Variants in CDH13 observed in about 807,000 individuals in gnomAD.
CDH13 encodes the protein cadherin-13.
Under a neutral mutation model 63.8 loss-of-function variants are expected in CDH13, and 24 were observed. The ratio of observed to expected loss-of-function variants is 0.38; its 90% CI spans 0.27 to 0.53. CDH13 has a LOEUF of 0.53. Among genes scored for constraint, CDH13 ranks in the 20% least tolerant of loss-of-function variants. CDH13 has a pLI of 0.85. For synonymous variants in CDH13, 503 were observed against 355.3 expected (o/e 1.42, Z -4.67); for missense variants, 1,049 against 903.1 (o/e 1.16, Z -2.07).
chr16:83,356,212 ATGTGTGTGTGTGTGTGTGTGTG>A (rs10525181), intron 6 of CDH13, among the ~76,000 whole-genome samples: 41 of 138,760 alleles, frequency 3.0e-4, no homozygotes, highest in South Asian at 1.4e-3. Flanking sequence ...ATTTATTTTC[ATGTGTGTGTGTGTGTGTGTGTG>A]TGTGTGTGTG....
intron 2 of CDH13, among the ~76,000 whole-genome samples, chr16:83,012,655 G>A (rs1281930888): frequency 6.6e-6 from 1 of 152,060 alleles, no homozygotes; most frequent in Admixed American, 6.5e-5. Flanking sequence ...TTTTGCACCC[G>A]AACTTGATCT....
In CDH13 at chr16:83,417,874, G is replaced by A. The variant is rs1056691024; in HGVS notation, c.782-68603G>A. On this transcript the variant is annotated intron_variant, in intron 6 of 13. Transcript: ENST00000567109. ...GAAAATTCTATTTCACAGCAAAATG[G>A]TTCCAGTCAACTGGAGAGAGAGAGA... is the stretch of plus-strand genomic sequence containing the variant. 5.3e-5 allele frequency among the ~76,000 whole-genome samples: 8 copies of A among 152,100 alleles called. No individual in the cohort carries two copies. The South Asian group carries it at 1.5e-3, about 28-fold the overall frequency.
Position 83,678,479 on chromosome 16 carries a change from G to A in CDH13, c.1538+18G>A. 1 of 1,613,540 alleles carries A rather than the reference G, an allele frequency of 6.2e-7. No individual in the cohort carries two copies. Reference sequence around the variant, plus strand: ...ACCATCAGGTGGGTGAGTGGCTCCGGAACCACAGACGGGAGGTGGGCAGGA... The same window carrying A: ...ACCATCAGGTGGGTGAGTGGCTCCGAAACCACAGACGGGAGGTGGGCAGGA... On this transcript the variant is annotated intron_variant, in intron 10 of 13. Transcript: ENST00000567109.
At chr16:83,281,125 A>G (rs370757438) in intron 5 of CDH13, among the ~76,000 whole-genome samples, 1 of 152,216 alleles carries the variant, frequency 6.6e-6, no homozygotes, top group African/African-American at 2.4e-5. Flanking sequence ...TCTTCTTTCA[A>G]TTGAAGGCTG....
chr16:83,518,900 C>G (rs1728753584), intron 7 of CDH13, among the ~76,000 whole-genome samples: 2 of 152,180 alleles, frequency 1.3e-5, no homozygotes, highest in Non-Finnish European at 2.9e-5. Context: ...TGCATTCATG[C>G]TGAACTGTCA....
chr16:83,647,713 C>T (rs555350701), intron 8 of CDH13, among the ~76,000 whole-genome samples: 1 of 152,242 alleles, frequency 6.6e-6, no homozygotes, highest in South Asian at 2.1e-4. Flanking sequence ...ATCTTTTTAT[C>T]CTCAACAATC....
chr16:82,805,432 T>C (rs574299554), intron 1 of CDH13, among the ~76,000 whole-genome samples: 5 of 152,176 alleles, frequency 3.3e-5, no homozygotes, highest in Admixed American at 6.6e-5. Flanking sequence ...TGGTTCAAGC[T>C]TTCAGTGAAG....
At chr16:83,199,924 C>G (rs1043086435) in intron 4 of CDH13, among the ~76,000 whole-genome samples, 16 of 152,192 alleles carry the variant, frequency 1.1e-4, no homozygotes, top group African/African-American at 3.9e-4. Context: ...TTCTAAACCA[C>G]TGCACCACGG....
At chr16:83,330,562 T>A (rs2090458660) in intron 5 of CDH13, among the ~76,000 whole-genome samples, 1 of 152,150 alleles carries the variant, frequency 6.6e-6, no homozygotes, top group South Asian at 2.1e-4. Context: ...CCAAGGGACA[T>A]GGCATCCCCA....
At chr16:83,762,071 A>T (rs1597193180) in intron 11 of CDH13, among the ~76,000 whole-genome samples, 1 of 152,204 alleles carries the variant, frequency 6.6e-6, no homozygotes, top group Non-Finnish European at 1.5e-5. Context: ...AAAAAATAAA[A>T]TAAAAATAAA....
chr16:83,175,464 G>C (rs189956496), intron 4 of CDH13, among the ~76,000 whole-genome samples: 1 of 152,060 alleles, frequency 6.6e-6, no homozygotes, highest in African/African-American at 2.4e-5. Flanking sequence ...GAAGAGGAAG[G>C]GATTGTTTGG....
At chr16:83,290,035 A>G (rs186819164) in intron 5 of CDH13, among the ~76,000 whole-genome samples, 1 of 152,038 alleles carries the variant, frequency 6.6e-6, no homozygotes, top group East Asian at 1.9e-4. Flanking sequence ...TACAGATTAG[A>G]TTGGCCTGTT....
At chr16:83,547,183 G>C (rs1488652675) in intron 7 of CDH13, among the ~76,000 whole-genome samples, 1 of 152,206 alleles carries the variant, frequency 6.6e-6, no homozygotes, top group Non-Finnish European at 1.5e-5. Flanking sequence ...TGGAATTATA[G>C]AGTATGGTAA....
At chr16:83,266,189 C>T (rs1907601149) in intron 5 of CDH13, among the ~76,000 whole-genome samples, 1 of 152,102 alleles carries the variant, frequency 6.6e-6, no homozygotes, top group African/African-American at 2.4e-5. Flanking sequence ...CAACCCACCT[C>T]AGCCTCCCAA....
chr16:83,273,851 G>C (rs1272868538), intron 5 of CDH13, among the ~76,000 whole-genome samples: 2 of 152,164 alleles, frequency 1.3e-5, no homozygotes, highest in South Asian at 2.1e-4. Flanking sequence ...GAGGCTCAGA[G>C]GGGTGAAAAG....
At position 82,756,251 on chromosome 16, in the gene CDH13, T is replaced by A. The variant is rs567610257; in HGVS notation, c.46-102111T>A. 7.9e-5 allele frequency among the ~76,000 whole-genome samples: 12 copies of A among 152,124 alleles called. No homozygotes were observed. The South Asian group carries it at 2.5e-3, about 32-fold the overall frequency. Reference sequence around the variant, plus strand: ...AATTAGATATTCTGGAATAAAAAATTTGGGGAAAGAGGAAAAGGACTCATG... The same window carrying A: ...AATTAGATATTCTGGAATAAAAAATATGGGGAAAGAGGAAAAGGACTCATG... On this transcript the variant is annotated intron_variant, in intron 1 of 13. Coordinates refer to ENST00000567109, the MANE Select transcript of CDH13 (RefSeq NM_001257.5).
intron 7 of CDH13, among the ~76,000 whole-genome samples, chr16:83,591,410 CT>C (rs1906734374): frequency 1.3e-5 from 2 of 152,240 alleles, no homozygotes; most frequent in African/African-American, 4.8e-5. Context: ...ACAGATTAGC[CT>C]GTTCTGTTCT....
intron 7 of CDH13, among the ~76,000 whole-genome samples, chr16:83,521,495 C>G (rs2074835672): frequency 1.3e-5 from 2 of 152,216 alleles, no homozygotes; most frequent in South Asian, 4.1e-4. Flanking sequence ...TCAACAACAG[C>G]AATAAAATGC....
At chr16:83,539,299 G>C (rs1305934816) in intron 7 of CDH13, among the ~76,000 whole-genome samples, 2 of 152,086 alleles carry the variant, frequency 1.3e-5, no homozygotes, top group Non-Finnish European at 2.9e-5. Flanking sequence ...TCACAGTAGG[G>C]TTCACGCTTC....
Sources: allele counts gnomAD v4.1 joint callset (sites outside exome capture counted in the v4.1 genomes callset), GRCh38; gene constraint gnomAD v4.1.1; transcripts MANE v1.5; gene names NCBI Gene and HGNC (gene_info 2026-07-23, HGNC 2026-07-21).